Variants in MEGF9 observed in about 807,000 individuals in gnomAD.
MEGF9 encodes the protein multiple epidermal growth factor-like domains protein 9.
In MEGF9, 6 loss-of-function variants were observed where a neutral mutation model predicts 46.8. The observed-to-expected ratio is 0.13, with a 90% CI of 0.07 to 0.25. The LOEUF is 0.25. Among genes scored for constraint, MEGF9 ranks in the 10% least tolerant of loss-of-function variants. MEGF9 has a pLI of 1.00. For missense variants in MEGF9, 683 were observed against 792.4 expected (o/e 0.86, Z 1.66); for synonymous variants, 302 against 330.7 (o/e 0.91, Z 0.94).
chr9:120,661,724 T>A (rs948837570), intron 1 of MEGF9, among the ~76,000 whole-genome samples: 1 of 152,172 alleles, frequency 6.6e-6, no homozygotes, highest in African/African-American at 2.4e-5. Context: ...TTTGACAGAG[T>A]TACATGTTTT....
chr9:120,653,885 C>T (rs148229371), intron 2 of MEGF9, among the ~76,000 whole-genome samples: 1,624 of 152,274 alleles, frequency 0.011, 30 homozygotes, highest in African/African-American at 0.034. Flanking sequence ...TCTATAGATA[C>T]TGCAATCATC....
rs1453444000 is a variant in MEGF9 at position 120,601,976 on chromosome 9, C to T, written c.*3214G>A. 6.6e-6 allele frequency: 1 copy of T among 152,114 alleles called. No individual in the cohort carries two copies. Among genetic ancestry groups the T allele is most frequent in the Non-Finnish European group, 1.5e-5 (1 of 68,016 alleles). The allele number at this position is 152,114 out of a possible 1,614,324, so 9.4% of individuals were successfully genotyped here. On this transcript the variant is annotated 3_prime_UTR_variant, in exon 6 of 6. Coordinates refer to ENST00000373930, the MANE Select transcript of MEGF9 (RefSeq NM_001080497.3). ...ATTTAAAAATAAACAGATTTCCAAT[C>T]CTTACACAAACATTCTCCCAATATT...
At chr9:120,681,332 T>A (rs1466897717) in intron 1 of MEGF9, among the ~76,000 whole-genome samples, 1 of 152,146 alleles carries the variant, frequency 6.6e-6, no homozygotes, top group Non-Finnish European at 1.5e-5. Context: ...GTCTGGGAGC[T>A]AGGTCCTGGA....
At chr9:120,620,915 TA>T (rs141632108) in intron 3 of MEGF9, among the ~76,000 whole-genome samples, 6,214 of 152,182 alleles carry the variant, frequency 0.041, 419 homozygotes, top group African/African-American at 0.14. Flanking sequence ...GAATGAAGAA[TA>T]AAACTTTCAA....
At position 120,658,332 on chromosome 9, in the gene MEGF9, A is replaced by G. The variant is rs535138165; in HGVS notation, c.803+1042T>C. On this transcript the variant is annotated intron_variant, in intron 2 of 5. Coordinates refer to ENST00000373930, the MANE Select transcript of MEGF9 (RefSeq NM_001080497.3). Reference sequence around the variant, plus strand: ...CTACAATATGATACAATATTCCATAACAGTATAATATCATTTATAAAGCAT... The same window carrying G: ...CTACAATATGATACAATATTCCATAGCAGTATAATATCATTTATAAAGCAT... 3.9e-5 allele frequency among the ~76,000 whole-genome samples: 6 copies of G among 152,328 alleles called. No individual in the cohort carries two copies. In the South Asian group the frequency reaches 1.2e-3, roughly 32 times the overall value.
intron 1 of MEGF9, among the ~76,000 whole-genome samples, chr9:120,661,828 A>G (rs1399481349): frequency 6.6e-6 from 1 of 152,218 alleles, no homozygotes; most frequent in Non-Finnish European, 1.5e-5. Context: ...TGACAACTTC[A>G]TAACAAGACC....
At chr9:120,618,746 A>C (rs1252528690) in intron 3 of MEGF9, among the ~76,000 whole-genome samples, 1 of 151,802 alleles carries the variant, frequency 6.6e-6, no homozygotes, top group African/African-American at 2.4e-5. Context: ...AAAAATACAA[A>C]AATTAGCTGG....
chr9:120,635,230 G>C (rs1018135779), intron 2 of MEGF9, among the ~76,000 whole-genome samples: 3 of 152,060 alleles, frequency 2.0e-5, no homozygotes, highest in African/African-American at 4.8e-5. Context: ...CTTTTCTCTT[G>C]TTGTGTTTAG....
intron 2 of MEGF9, among the ~76,000 whole-genome samples, chr9:120,655,812 T>A (rs965281988): frequency 1.3e-5 from 2 of 152,200 alleles, no homozygotes; most frequent in Non-Finnish European, 2.9e-5. Flanking sequence ...TGGCTACAAG[T>A]AGTAACATGC....
At chr9:120,611,269 A>G (rs1275077414) in intron 4 of MEGF9, among the ~76,000 whole-genome samples, 1 of 152,226 alleles carries the variant, frequency 6.6e-6, no homozygotes, top group Non-Finnish European at 1.5e-5. Flanking sequence ...AAATGAAAAT[A>G]TATGTACATA....
At chr9:120,705,984 A>G (rs770846037) in intron 1 of MEGF9, among the ~76,000 whole-genome samples, 26 of 152,220 alleles carry the variant, frequency 1.7e-4, no homozygotes, top group African/African-American at 5.1e-4. Context: ...ATAACTTAAA[A>G]TATCATCTAA....
intron 3 of MEGF9, among the ~76,000 whole-genome samples, chr9:120,615,298 T>C (rs562981712): frequency 2.1e-5 from 3 of 146,182 alleles, no homozygotes; most frequent in African/African-American, 7.5e-5. Flanking sequence ...CATGTGTGTG[T>C]ACACACACAC....
chr9:120,696,495 GATAATTA>G (rs2132341004), intron 1 of MEGF9, among the ~76,000 whole-genome samples: 1 of 152,248 alleles, frequency 6.6e-6, no homozygotes, highest in South Asian at 2.1e-4. Flanking sequence ...AGGTTCTTTT[GATAATTA>G]AATGAGGTCA....
intron 1 of MEGF9, among the ~76,000 whole-genome samples, chr9:120,696,086 G>A (rs765950320): frequency 5.3e-5 from 8 of 152,224 alleles, no homozygotes; most frequent in Non-Finnish European, 1.0e-4. Context: ...AGCAGTGTGA[G>A]TGGTGATGTC....
In MEGF9 at chr9:120,679,794, C is replaced by T. The variant is rs181500552; in HGVS notation, c.602-20219G>A. 2.0e-3 allele frequency among the ~76,000 whole-genome samples: 297 copies of T among 152,032 alleles called. 2 individuals are homozygous for T. Among genetic ancestry groups the T allele is most frequent in the Admixed American group, 3.0e-3 (46 of 15,260 alleles). Reference sequence around the variant, plus strand: ...CTCTACTAAAAATACAAAAATTAGCCGGGTGTGGTGGCAAGCACTTGTAAT... The same window carrying T: ...CTCTACTAAAAATACAAAAATTAGCTGGGTGTGGTGGCAAGCACTTGTAAT... On this transcript the variant is annotated intron_variant, in intron 1 of 5. Coordinates refer to ENST00000373930, the MANE Select transcript of MEGF9 (RefSeq NM_001080497.3).
intron 1 of MEGF9, among the ~76,000 whole-genome samples, chr9:120,696,635 G>T (rs1165602705): frequency 1.3e-5 from 2 of 152,144 alleles, no homozygotes; most frequent in Non-Finnish European, 2.9e-5. Flanking sequence ...ATTTCAGTCT[G>T]CTAGAGTTTA....
At chr9:120,688,130 A>AACAC (rs34218836) in intron 1 of MEGF9, among the ~76,000 whole-genome samples, 6,083 of 142,586 alleles carry the variant, frequency 0.043, 150 homozygotes, top group Middle Eastern at 0.07. Flanking sequence ...TCCTCTCCGC[A>AACAC]ACACACACAC....
In MEGF9 at chr9:120,607,895, T is replaced by C. The variant is rs752441034; in HGVS notation, c.1203A>G (p.Gln401=). 6 of 1,614,044 alleles carry C rather than the reference T, an allele frequency of 3.7e-6. No homozygotes were observed. Among genetic ancestry groups the C allele is most frequent in the Admixed American group, 1.7e-5 (1 of 60,020 alleles). ...TAACTGGGTCCACATGGCCGTGACA[T>C]TGGCACTTTCTACAGATGCTGTCAA... is the stretch of plus-strand genomic sequence containing the variant. ...YNFDSICRKC[Q]CHGHVDPVKT... The change falls in exon 5 of 6, where the codon CAA becomes CAG. Residue 401 remains glutamine, a synonymous_variant. Coordinates refer to ENST00000373930, the MANE Select transcript of MEGF9 (RefSeq NM_001080497.3).
intron 2 of MEGF9, among the ~76,000 whole-genome samples, chr9:120,632,380 T>A (rs1287164149): frequency 6.6e-6 from 1 of 151,810 alleles, no homozygotes; most frequent in Non-Finnish European, 1.5e-5. Context: ...ATTGGTTTTT[T>A]AAATTTCTTT....
Sources: allele counts gnomAD v4.1 joint callset (sites outside exome capture counted in the v4.1 genomes callset), GRCh38; gene constraint gnomAD v4.1.1; transcripts MANE v1.5; gene names NCBI Gene and HGNC (gene_info 2026-07-23, HGNC 2026-07-21).